Variants in CRISPLD2 observed in about 807,000 individuals in gnomAD.
CRISPLD2 encodes the protein cysteine rich secretory protein LCCL domain containing 2.
CRISPLD2 carries 47 observed loss-of-function variants against 71.1 expected under a neutral mutation model. The observed-to-expected ratio is 0.66, with a 90% CI of 0.52 to 0.84. The LOEUF (loss-of-function observed/expected upper bound fraction) is 0.84, where lower values mean the gene tolerates loss of function less well. Among genes scored for constraint, CRISPLD2 ranks in the 40% least tolerant of loss-of-function variants. The pLI is 0.00. For missense variants in CRISPLD2, 830 were observed against 651.1 expected (o/e 1.27, Z -2.99); for synonymous variants, 317 against 250.1 (o/e 1.27, Z -2.52).
At chr16:84,897,470 A>G (rs2071716428) in intron 14 of CRISPLD2, among the ~76,000 whole-genome samples, 1 of 151,948 alleles carries the variant, frequency 6.6e-6, no homozygotes, top group Non-Finnish European at 1.5e-5. Context: ...GACTAGAGAA[A>G]CCTCAACAAT....
chr16:84,880,403 C>T, intron 12 of CRISPLD2, 106 bp from the exon 13 acceptor site: 2 of 832,274 alleles, frequency 2.4e-6, no homozygotes, highest in Non-Finnish European at 3.8e-6. Flanking sequence ...TGGCGGTTTC[C>T]TTTCATCTAC....
At chr16:84,824,032 G>T (rs1218823721) in intron 1 of CRISPLD2, among the ~76,000 whole-genome samples, 1 of 152,172 alleles carries the variant, frequency 6.6e-6, no homozygotes, top group African/African-American at 2.4e-5. Context: ...CTGGCATGGA[G>T]CTGGCATCTT....
At chr16:84,865,884 C>T (rs950940100) in intron 6 of CRISPLD2, among the ~76,000 whole-genome samples, 1 of 152,158 alleles carries the variant, frequency 6.6e-6, no homozygotes, top group Non-Finnish European at 1.5e-5. Context: ...AAACATGGGT[C>T]ATGGTCATAG....
intron 14 of CRISPLD2, among the ~76,000 whole-genome samples, chr16:84,891,910 C>T (rs1484040688): frequency 6.6e-6 from 1 of 152,228 alleles, no homozygotes; most frequent in Non-Finnish European, 1.5e-5. Flanking sequence ...AGGTGTCTTC[C>T]AGGCATCCCT....
At chr16:84,877,318 C>T in intron 11 of CRISPLD2, 120 bp from the exon 12 acceptor site, 1 of 832,892 alleles carries the variant, frequency 1.2e-6, no homozygotes, top group Non-Finnish European at 1.9e-6. Flanking sequence ...AGTCCCAGCT[C>T]TATTCAAGGG....
intron 12 of CRISPLD2, among the ~76,000 whole-genome samples, chr16:84,878,753 G>A (rs1300407861): frequency 8.5e-5 from 13 of 152,230 alleles, no homozygotes. Context: ...CTTCTCAGGT[G>A]GAAAAGGCCG....
intron 6 of CRISPLD2, among the ~76,000 whole-genome samples, chr16:84,864,591 C>T (rs143840401): frequency 1.6e-3 from 240 of 152,354 alleles, no homozygotes; most frequent in African/African-American, 5.4e-3. Context: ...ACCAGAGGTG[C>T]TTTCAGAGTT....
At position 84,899,617 on chromosome 16, in the gene CRISPLD2, G is replaced by T. The variant is rs139238839; in HGVS notation, c.1440-6971G>T. Among the ~76,000 whole-genome samples the T allele has an allele frequency of 3.7e-4, 57 of 152,304 alleles. 1 individual carries two copies. In the East Asian group the frequency reaches 0.011, roughly 29 times the overall value. Reference sequence around the variant, plus strand: ...CAGTTGCACGGTGGCATCCTGGGCGGTGTCAGCACATTCTTTGATGTGTTA... The same window carrying T: ...CAGTTGCACGGTGGCATCCTGGGCGTTGTCAGCACATTCTTTGATGTGTTA... On this transcript the variant is annotated intron_variant, in intron 14 of 14. Coordinates refer to ENST00000262424, the MANE Select transcript of CRISPLD2 (RefSeq NM_031476.4).
At chr16:84,852,038 TGTGGCAGATCAAGGG>T (rs1363684135) in intron 5 of CRISPLD2, among the ~76,000 whole-genome samples, 1 of 152,118 alleles carries the variant, frequency 6.6e-6, no homozygotes, top group South Asian at 2.1e-4. Context: ...CAGATCAAGG[TGTGGCAGATCAAGGG>T]GTGGCAGCAT....
intron 1 of CRISPLD2, among the ~76,000 whole-genome samples, chr16:84,830,299 G>T (rs1293252047): frequency 1.3e-5 from 2 of 152,194 alleles, no homozygotes; most frequent in African/African-American, 4.8e-5. Context: ...TCTAGCCTGG[G>T]TAATAGTGAG....
chr16:84,827,703 A>G (rs1916388851), intron 1 of CRISPLD2, among the ~76,000 whole-genome samples: 1 of 151,942 alleles, frequency 6.6e-6, no homozygotes, highest in Non-Finnish European at 1.5e-5. Context: ...AGTAGCTGGG[A>G]CTACAGGCAT....
At chr16:84,822,898 C>A (rs1281300791) in intron 1 of CRISPLD2, among the ~76,000 whole-genome samples, 3 of 152,140 alleles carry the variant, frequency 2.0e-5, no homozygotes, top group Non-Finnish European at 4.4e-5. Context: ...TACCATTTAA[C>A]CCATTTTGAA....
At chr16:84,904,916 A>G (rs1381342327) in intron 14 of CRISPLD2, among the ~76,000 whole-genome samples, 1 of 152,238 alleles carries the variant, frequency 6.6e-6, no homozygotes, top group Non-Finnish European at 1.5e-5. Context: ...ATGACGCCAA[A>G]AGCACAATCT....
rs2071641566 is a variant in CRISPLD2 at position 84,889,383 on chromosome 16, C to T, written c.1439+20C>T. ...TGAAAGGTAGGGTGGTGTTCTCCAA[C>T]CCTTGACACCCAATCCCGGCTGCTA... On this transcript the variant is annotated intron_variant, in intron 14 of 14. Transcript: ENST00000262424. The T allele has an allele frequency of 2.5e-6, 4 of 1,594,522 alleles. No individual in the cohort carries two copies. The African/African-American group carries it at 5.4e-5, about 21-fold the overall frequency.
At chr16:84,847,406 C>G (rs1916943540) in intron 3 of CRISPLD2, among the ~76,000 whole-genome samples, 2 of 152,210 alleles carry the variant, frequency 1.3e-5, no homozygotes, top group Admixed American at 6.5e-5. Flanking sequence ...AATCCCAGCA[C>G]TTTGGGAGGC....
intron 5 of CRISPLD2, among the ~76,000 whole-genome samples, chr16:84,854,383 C>T (rs1335142964): frequency 6.6e-6 from 1 of 152,074 alleles, no homozygotes; most frequent in African/African-American, 2.4e-5. Context: ...GTCCTGGCAG[C>T]TTTTCAGCGC....
intron 1 of CRISPLD2, among the ~76,000 whole-genome samples, chr16:84,836,697 C>A (rs1357839530): frequency 6.6e-6 from 1 of 152,132 alleles, no homozygotes; most frequent in Non-Finnish European, 1.5e-5. Context: ...GGCCTCTATC[C>A]CCTCCAGGCC....
intron 5 of CRISPLD2, 103 bp from the exon 6 acceptor site, chr16:84,854,626 T>G: frequency 1.2e-6 from 1 of 801,742 alleles, no homozygotes; most frequent in Non-Finnish European, 2.2e-6. Flanking sequence ...CCCTGACCTG[T>G]CAGTGGCGGT....
chr16:84,825,885 A>C (rs558168867), intron 1 of CRISPLD2, among the ~76,000 whole-genome samples: 2 of 152,038 alleles, frequency 1.3e-5, no homozygotes, highest in Admixed American at 1.3e-4. Flanking sequence ...TGAGCCCAGG[A>C]GGCTGAGGCT....
Sources: gnomAD v4.1 joint callset for allele counts (sites outside exome capture counted in the v4.1 genomes callset) on GRCh38, gnomAD v4.1.1 for gene constraint, MANE v1.5 for transcripts, NCBI Gene and HGNC (gene_info 2026-07-23, HGNC 2026-07-21) for gene names.